The following GSG1L variants were observed in gnomAD, a reference collection of about 807,000 sequenced individuals.
GSG1L encodes germ cell-specific gene 1-like protein.
Under a neutral mutation model 42.1 loss-of-function variants are expected in GSG1L, and 24 were observed. That is an observed-to-expected ratio of 0.57 (90% CI 0.41 to 0.80). The LOEUF is 0.80. GSG1L is among the 30% of genes least tolerant of loss of function. GSG1L has a pLI of 0.00. For synonymous variants in GSG1L, 215 were observed against 203.5 expected (o/e 1.06, Z -0.48); for missense variants, 445 against 472.2 (o/e 0.94, Z 0.53).
chr16:27,887,375 A>G (rs1289255273), intron 2 of GSG1L, among the ~76,000 whole-genome samples: 1 of 152,226 alleles, frequency 6.6e-6, no homozygotes, highest in African/African-American at 2.4e-5. Context: ...AGGCAGAGCC[A>G]AGAGATGGAG....
intron 5 of GSG1L, among the ~76,000 whole-genome samples, chr16:27,811,739 C>G (rs2083033718): frequency 6.6e-6 from 1 of 152,220 alleles, no homozygotes; most frequent in African/African-American, 2.4e-5. Flanking sequence ...ACTTCCACCT[C>G]CTGGGTTCAC....
intron 3 of GSG1L, among the ~76,000 whole-genome samples, chr16:27,865,795 C>T (rs890655125): frequency 4.0e-5 from 6 of 151,324 alleles, no homozygotes; most frequent in Non-Finnish European, 1.5e-5. Flanking sequence ...CTCAAACTCC[C>T]CAAGTGATAC....
intron 3 of GSG1L, among the ~76,000 whole-genome samples, chr16:27,879,862 CTT>C (rs1013994688): frequency 7.1e-6 from 1 of 141,484 alleles, no homozygotes. Flanking sequence ...TTTTTAATTG[CTT>C]TTTTTTTTTC....
At chr16:27,935,946 C>T (rs1663816770) in intron 2 of GSG1L, among the ~76,000 whole-genome samples, 1 of 149,842 alleles carries the variant, frequency 6.7e-6, no homozygotes, top group African/African-American at 2.5e-5. Context: ...CCTAGCAACC[C>T]GATCCGTATC....
At chr16:27,871,553 A>C (rs899204043) in intron 3 of GSG1L, among the ~76,000 whole-genome samples, 1 of 152,090 alleles carries the variant, frequency 6.6e-6, no homozygotes, top group African/African-American at 2.4e-5. Context: ...TGGAAGGATC[A>C]CCTGAGCTCA....
intron 2 of GSG1L, among the ~76,000 whole-genome samples, chr16:27,928,043 G>A (rs980279190): frequency 3.9e-5 from 6 of 152,162 alleles, no homozygotes; most frequent in Admixed American, 2.0e-4. Flanking sequence ...TCCACTAGAC[G>A]ATACGTTCCA....
At chr16:27,837,572 G>A (rs2083334673) in intron 4 of GSG1L, among the ~76,000 whole-genome samples, 1 of 152,324 alleles carries the variant, frequency 6.6e-6, no homozygotes, top group Non-Finnish European at 1.5e-5. Context: ...CTACAAGGCA[G>A]TGGCAAAAAT....
intron 1 of GSG1L, among the ~76,000 whole-genome samples, chr16:28,039,952 G>C (rs143353432): frequency 6.6e-6 from 1 of 151,900 alleles, no homozygotes; most frequent in Non-Finnish European, 1.5e-5. Context: ...ACCTGTCCCC[G>C]CGCCCCTCCC....
intron 4 of GSG1L, among the ~76,000 whole-genome samples, chr16:27,842,502 C>T (rs546753034): frequency 6.6e-6 from 1 of 152,314 alleles, no homozygotes; most frequent in East Asian, 1.9e-4. Flanking sequence ...TATTATTACA[C>T]ACATGGTCAA....
chr16:27,946,652 AAAGAAAAGAAAGAAAG>A (rs1332820525), intron 2 of GSG1L, among the ~76,000 whole-genome samples: 3 of 25,290 alleles, frequency 1.2e-4, no homozygotes, highest in Non-Finnish European at 2.0e-4. Context: ...AGAAAGAAAG[AAAGAAAAGAAAGAAAG>A]AAAGAAAGAA....
chr16:27,836,195 C>G (rs1053288238), intron 4 of GSG1L, among the ~76,000 whole-genome samples: 1 of 151,934 alleles, frequency 6.6e-6, no homozygotes, highest in Non-Finnish European at 1.5e-5. Context: ...CTTCTAGCCT[C>G]CATGGTTTCT....
chr16:28,058,697 A>G (rs2086306753), intron 1 of GSG1L, among the ~76,000 whole-genome samples: 1 of 152,026 alleles, frequency 6.6e-6, no homozygotes. Flanking sequence ...TTTGCCCAAC[A>G]GATGCTCCCA....
intron 1 of GSG1L, among the ~76,000 whole-genome samples, chr16:27,973,948 T>C (rs139963519): frequency 7.9e-5 from 12 of 152,320 alleles, no homozygotes; most frequent in Non-Finnish European, 1.3e-4. Context: ...GTCTCCTCCA[T>C]GCCCATCAAT....
At chr16:28,048,783 T>C (rs1218296008) in intron 1 of GSG1L, among the ~76,000 whole-genome samples, 1 of 152,128 alleles carries the variant, frequency 6.6e-6, no homozygotes, top group African/African-American at 2.4e-5. Flanking sequence ...ATTTTTTAAC[T>C]ATGAAAAAAC....
intron 1 of GSG1L, among the ~76,000 whole-genome samples, chr16:28,006,064 G>A (rs767297402): frequency 9.9e-5 from 15 of 152,088 alleles, no homozygotes; most frequent in Non-Finnish European, 1.5e-4. Flanking sequence ...AATTCAGCCC[G>A]CTGTTGCTGG....
intron 3 of GSG1L, among the ~76,000 whole-genome samples, chr16:27,857,745 C>A (rs2083597620): frequency 6.6e-6 from 1 of 152,088 alleles, no homozygotes; most frequent in South Asian, 2.1e-4. Context: ...TTGTCTCTTT[C>A]TCTCTGTCTG....
intron 3 of GSG1L, among the ~76,000 whole-genome samples, chr16:27,848,926 T>C (rs28650949): frequency 0.01 from 1,564 of 152,024 alleles, 23 homozygotes; most frequent in African/African-American, 0.036. Context: ...CCTGGTGCGG[T>C]GGCTCACGCC....
intron 1 of GSG1L, among the ~76,000 whole-genome samples, chr16:27,994,024 C>A (rs1200757361): frequency 6.6e-6 from 1 of 151,572 alleles, no homozygotes; most frequent in Non-Finnish European, 1.5e-5. Flanking sequence ...CTCTTCCAGG[C>A]CCCCACTGCA....
rs1306663491 is a variant in GSG1L, at chr16:28,063,081, C to T, written c.344G>A (p.Gly115Glu). Reference protein sequence around the residue: ...IWYSCEEELSGLGEKCRSFID... With the variant: ...IWYSCEEELSELGEKCRSFID... Reference sequence around the variant, plus strand: ...CGCCGCCCGCGCGCACTCACCAAGCCCGCTGAGCTCCTCCTCGCACGAGTA... The same window carrying T: ...CGCCGCCCGCGCGCACTCACCAAGCTCGCTGAGCTCCTCCTCGCACGAGTA... Residue 115 changes from glycine to glutamate, a missense_variant, in exon 1 of 7, where the codon GGG (glycine) becomes GAG (glutamate). Transcript: ENST00000447459. The surrounding 1 kb of genome is among the most constrained non-coding windows in gnomAD (Gnocchi z 5.8). 7.0e-7 allele frequency: 1 copy of T among 1,428,892 alleles called. No homozygotes were observed. The highest frequency in any genetic ancestry group is 9.2e-7 in the Non-Finnish European group (1 of 1,085,486). The allele number at this position is 1,428,892 out of a possible 1,614,324, so 88.5% of individuals were successfully genotyped here.
Sources: gnomAD v4.1 joint callset for allele counts (sites outside exome capture counted in the v4.1 genomes callset) on GRCh38, gnomAD v4.1.1 for gene constraint, Gnocchi (gnomAD v3.1) non-coding constraint, MANE v1.5 for transcripts, NCBI Gene and HGNC (gene_info 2026-07-23, HGNC 2026-07-21) for gene names.